The following ARHGAP42 variants were observed in gnomAD, a reference collection of about 807,000 sequenced individuals.
ARHGAP42 encodes the protein rho GTPase-activating protein 42.
Under a neutral mutation model 125.0 loss-of-function variants are expected in ARHGAP42, and 63 were observed. The ratio of observed to expected loss-of-function variants is 0.50; its 90% CI spans 0.41 to 0.62. The LOEUF (loss-of-function observed/expected upper bound fraction) is 0.62, where lower values mean the gene tolerates loss of function less well. Among genes scored for constraint, ARHGAP42 ranks in the 20% least tolerant of loss-of-function variants. The pLI, the probability that ARHGAP42 is intolerant of heterozygous loss-of-function variation, is 0.00. For synonymous variants in ARHGAP42, 339 were observed against 351.0 expected (o/e 0.97, Z 0.38); for missense variants, 766 against 1,024.2 (o/e 0.75, Z 3.44).
chr11:100,950,402 CTTCT>C (rs1857615846), intron 12 of ARHGAP42, among the ~76,000 whole-genome samples: 1 of 150,046 alleles, frequency 6.7e-6, no homozygotes. Flanking sequence ...CAGTGGAGAG[CTTCT>C]TTGTCTTATT....
rs1292373871 is a variant in ARHGAP42, at chr11:100,958,546, C to CAT, written c.1163-1326_1163-1325dup. On this transcript the variant is annotated intron_variant, in intron 12 of 23. Coordinates refer to ENST00000298815, the MANE Select transcript of ARHGAP42 (RefSeq NM_152432.4). ...ACACACACACACATATATATACACA[C>CAT]ATATATATATATTTTTCAAAATGTC... is the stretch of plus-strand genomic sequence containing the variant. 1.1e-4 allele frequency among the ~76,000 whole-genome samples: 17 copies of CAT among 151,590 alleles called. No homozygotes were observed. In the East Asian group the frequency reaches 2.3e-3, roughly 21 times the overall value.
At chr11:100,726,351 A>G (rs1394516623) in intron 1 of ARHGAP42, among the ~76,000 whole-genome samples, 1 of 152,108 alleles carries the variant, frequency 6.6e-6, no homozygotes, top group Non-Finnish European at 1.5e-5. Flanking sequence ...ATGGGTTAGG[A>G]TAATTGAGAT....
In ARHGAP42 at chr11:100,687,622, C is replaced by T; in HGVS notation, c.-57C>T. The T allele has an allele frequency of 5.7e-6, 7 of 1,237,910 alleles. No individual in the cohort carries two copies. The highest frequency in any genetic ancestry group is 7.1e-6 in the Non-Finnish European group (7 of 984,848). 76.7% of individuals were successfully genotyped at this position (1,237,910 alleles called of 1,614,324 possible). ...GCGCCCGCCGCGGCCGCCGGCTGCC[C>T]CCGCCCTGACCTCCGGCCCGGACGT... On this transcript the variant is annotated 5_prime_UTR_variant, in exon 1 of 24. Coordinates refer to ENST00000298815, the MANE Select transcript of ARHGAP42 (RefSeq NM_152432.4).
At chr11:100,978,432 A>G (rs1385852464) in intron 21 of ARHGAP42, among the ~76,000 whole-genome samples, 1 of 152,188 alleles carries the variant, frequency 6.6e-6, no homozygotes, top group Non-Finnish European at 1.5e-5. Context: ...ATTAGAACAT[A>G]TCCTCTCTGC....
In ARHGAP42 at chr11:100,992,556, G is replaced by T; in HGVS notation, c.*3755G>T. ...CCTGCCTGTCTCCTGTTGATTCGCA[G>T]ATGTAATATCGAGTATTCATCAACT... On this transcript the variant is annotated 3_prime_UTR_variant, in exon 24 of 24. Coordinates refer to ENST00000298815, the MANE Select transcript of ARHGAP42 (RefSeq NM_152432.4). 1 of 1,614,040 alleles carries T rather than the reference G, an allele frequency of 6.2e-7. No homozygotes were observed. Among genetic ancestry groups the T allele is most frequent in the South Asian group, 1.1e-5 (1 of 91,078 alleles).
At position 100,830,334 on chromosome 11, in the gene ARHGAP42, C is replaced by T. The variant is rs192397506; in HGVS notation, c.313-29220C>T. On this transcript the variant is annotated intron_variant, in intron 3 of 23. Coordinates refer to ENST00000298815, the MANE Select transcript of ARHGAP42 (RefSeq NM_152432.4). Reference sequence around the variant, plus strand: ...CAGTTTGGAAAAGGATACCATGCTACTTAAGATTCATATTGGCAACCTGTG... The same window carrying T: ...CAGTTTGGAAAAGGATACCATGCTATTTAAGATTCATATTGGCAACCTGTG... 9.1e-4 allele frequency among the ~76,000 whole-genome samples: 138 copies of T among 152,278 alleles called. 1 individual carries two copies. Among genetic ancestry groups the T allele is most frequent in the Admixed American group, 3.0e-3 (46 of 15,292 alleles).
At position 100,846,270 on chromosome 11, in the gene ARHGAP42, T is replaced by C. The variant is rs548478601; in HGVS notation, c.313-13284T>C. On this transcript the variant is annotated intron_variant, in intron 3 of 23. Coordinates refer to ENST00000298815, the MANE Select transcript of ARHGAP42 (RefSeq NM_152432.4). ...CCAAAAGAGACAAAGGGTATCTTCA[T>C]ACTGAATCCATGCATTTCTGATTTT... 2.2e-4 allele frequency among the ~76,000 whole-genome samples: 33 copies of C among 152,306 alleles called. 1 individual carries two copies. The South Asian group carries it at 5.8e-3, about 27-fold the overall frequency.
intron 1 of ARHGAP42, among the ~76,000 whole-genome samples, chr11:100,761,753 T>C (rs1862704388): frequency 6.6e-6 from 1 of 152,238 alleles, no homozygotes; most frequent in Non-Finnish European, 1.5e-5. Context: ...ATGCTTACAA[T>C]GAAAATATTT....
chr11:100,732,109 C>G (rs542238747), intron 1 of ARHGAP42, among the ~76,000 whole-genome samples: 193 of 152,170 alleles, frequency 1.3e-3, no homozygotes, highest in Non-Finnish European at 2.3e-3. Context: ...CAGGCATACA[C>G]CACATGCCCG....
At chr11:100,812,695 G>A (rs1864175336) in intron 3 of ARHGAP42, among the ~76,000 whole-genome samples, 1 of 152,218 alleles carries the variant, frequency 6.6e-6, no homozygotes, top group Non-Finnish European at 1.5e-5. Context: ...CAAGTACAAA[G>A]GTCCTGAGGC....
Position 100,909,097 on chromosome 11 carries a change from A to T in ARHGAP42, c.385-4355A>T, listed in dbSNP as rs143917449. On this transcript the variant is annotated intron_variant, in intron 4 of 23. Transcript: ENST00000298815. ...TAGGGTTATTTGTCTTTTTATTGTG[A>T]GGTTGATTGAATTCCTTGTAGGTTA... Among the ~76,000 whole-genome samples, 262 of 151,972 alleles carry T rather than the reference A, an allele frequency of 1.7e-3. 1 individual carries two copies. The highest frequency in any genetic ancestry group is 0.012 in the South Asian group (56 of 4,816).
At chr11:100,822,249 A>G (rs1431194657) in intron 3 of ARHGAP42, among the ~76,000 whole-genome samples, 1 of 152,148 alleles carries the variant, frequency 6.6e-6, no homozygotes, top group Non-Finnish European at 1.5e-5. Flanking sequence ...TTCATTTACA[A>G]ATTTTAGAGT....
At chr11:100,704,154 A>G (rs909251199) in intron 1 of ARHGAP42, among the ~76,000 whole-genome samples, 2 of 152,236 alleles carry the variant, frequency 1.3e-5, no homozygotes, top group African/African-American at 4.8e-5. Flanking sequence ...TAGTTGATCC[A>G]GGAAAGGTGG....
chr11:100,779,525 C>CAT (rs1193568777), intron 2 of ARHGAP42, among the ~76,000 whole-genome samples: 6 of 132,208 alleles, frequency 4.5e-5, no homozygotes, highest in South Asian at 2.4e-4. Context: ...TATACGTATA[C>CAT]ATGCGTATAT....
intron 6 of ARHGAP42, among the ~76,000 whole-genome samples, chr11:100,922,246 C>T (rs539648): frequency 0.74 from 113,275 of 152,082 alleles, 42,623 homozygotes; most frequent in African/African-American, 0.85. Context: ...TCACAGGGCT[C>T]GGATCTGCTT....
At chr11:100,747,614 A>C (rs1240612065) in intron 1 of ARHGAP42, among the ~76,000 whole-genome samples, 1 of 152,224 alleles carries the variant, frequency 6.6e-6, no homozygotes, top group Non-Finnish European at 1.5e-5. Context: ...TTATGTTTCA[A>C]AACTTGCTTA....
chr11:100,916,364 T>C (rs1286309368), intron 5 of ARHGAP42, among the ~76,000 whole-genome samples: 1 of 152,180 alleles, frequency 6.6e-6, no homozygotes, highest in East Asian at 1.9e-4. Flanking sequence ...TTAAACAACA[T>C]ATGACATGGG....
chr11:100,799,845 G>A (rs1180985549), intron 3 of ARHGAP42, among the ~76,000 whole-genome samples: 1 of 152,162 alleles, frequency 6.6e-6, no homozygotes, highest in African/African-American at 2.4e-5. Context: ...TTCCTTTAAG[G>A]TGGAAGAAAA....
chr11:100,874,826 C>T (rs1445774594), intron 4 of ARHGAP42, among the ~76,000 whole-genome samples: 1 of 152,056 alleles, frequency 6.6e-6, no homozygotes, highest in African/African-American at 2.4e-5. Context: ...TGTTATTATC[C>T]AGTCCCCAAA....
Sources: allele counts gnomAD v4.1 joint callset (sites outside exome capture counted in the v4.1 genomes callset), GRCh38; gene constraint gnomAD v4.1.1; transcripts MANE v1.5; gene names NCBI Gene and HGNC (gene_info 2026-07-23, HGNC 2026-07-21).